The following MEGF11 variants were observed in gnomAD, a reference collection of about 807,000 sequenced individuals.
MEGF11 encodes the protein multiple EGF like domains 11.
Under a neutral mutation model 146.6 loss-of-function variants are expected in MEGF11, and 126 were observed. The observed-to-expected ratio is 0.86, with a 90% confidence interval of 0.74 to 1.00. The LOEUF is 1.00. Among genes scored for constraint, MEGF11 ranks in the 50% least tolerant of loss-of-function variants. The pLI is 0.00. For missense variants in MEGF11, 1,509 were observed against 1,521.2 expected, an observed-to-expected ratio of 0.99 and a Z score of 0.13; for synonymous variants, 532 against 583.4, an observed-to-expected ratio of 0.91 and a Z score of 1.27.
chr15:66,002,890 GT>G (rs1281190967), intron 5 of MEGF11, among the ~76,000 whole-genome samples: 1 of 152,170 alleles, frequency 6.6e-6, no homozygotes, highest in African/African-American at 2.4e-5. Context: ...AGAAGCAGAG[GT>G]TTAGAAAGGG....
At chr15:66,034,287 T>C (rs185002949) in intron 5 of MEGF11, among the ~76,000 whole-genome samples, 270 of 152,368 alleles carry the variant, frequency 1.8e-3, no homozygotes, top group African/African-American at 6.0e-3. Context: ...CTCTGGACTT[T>C]GGACTTCTGA....
intron 8 of MEGF11, among the ~76,000 whole-genome samples, chr15:65,970,012 C>T (rs1457313159): frequency 2.6e-5 from 4 of 152,190 alleles, no homozygotes; most frequent in South Asian, 4.1e-4. Flanking sequence ...CATGTGCACA[C>T]ATGGCAATTC....
chr15:65,959,090 C>T (rs1343494995), intron 9 of MEGF11, among the ~76,000 whole-genome samples: 2 of 152,210 alleles, frequency 1.3e-5, no homozygotes, highest in Non-Finnish European at 2.9e-5. Context: ...GAAATGAATA[C>T]AGCTTCCTCT....
intron 2 of MEGF11, 38 bp from the exon 3 acceptor site, chr15:66,124,038 C>G: frequency 2.0e-6 from 3 of 1,524,764 alleles, no homozygotes; most frequent in Non-Finnish European, 2.7e-6. Flanking sequence ...ATGATTAGCA[C>G]TTGGGAAGCT....
chr15:65,995,248 G>A (rs964306549), intron 5 of MEGF11, among the ~76,000 whole-genome samples: 1 of 152,218 alleles, frequency 6.6e-6, no homozygotes, highest in African/African-American at 2.4e-5. Flanking sequence ...GGCCTGGAAA[G>A]GCTAGACCAC....
At chr15:66,121,969 T>C (rs546077097) in intron 3 of MEGF11, among the ~76,000 whole-genome samples, 1 of 152,112 alleles carries the variant, frequency 6.6e-6, no homozygotes, top group African/African-American at 2.4e-5. Context: ...ACTAGGCATA[T>C]AAAGAAACAC....
intron 1 of MEGF11, among the ~76,000 whole-genome samples, chr15:66,187,278 T>A (rs1167205456): frequency 6.6e-6 from 1 of 152,252 alleles, no homozygotes; most frequent in Admixed American, 6.5e-5. Flanking sequence ...TCTTCACTGA[T>A]GCCAGCTCCT....
chr15:66,094,159 G>A (rs1176754201), intron 5 of MEGF11, among the ~76,000 whole-genome samples: 1 of 152,032 alleles, frequency 6.6e-6, no homozygotes, highest in East Asian at 1.9e-4. Flanking sequence ...TTGTCCAGAT[G>A]ATCCCACAAT....
At chr15:65,987,191 A>G (rs28395336) in intron 5 of MEGF11, among the ~76,000 whole-genome samples, 11,271 of 152,294 alleles carry the variant, frequency 0.074, 505 homozygotes, top group African/African-American at 0.1. Flanking sequence ...GGCAGTTACT[A>G]ATGCCAAGTC....
rs557825473 is a variant in MEGF11, at chr15:65,909,761, A to C, written c.2875T>G (p.Tyr959Asp). The C allele has an allele frequency of 2.5e-6, 4 of 1,584,644 alleles. No individual in the cohort carries two copies. Among genetic ancestry groups the C allele is most frequent in the Admixed American group, 3.5e-5 (2 of 57,768 alleles). Reference sequence around the variant, plus strand: ...TGACCTAACACGTTCACATAGCTGTAGGGGGTCCAGCCTGCTGTGTCTCTG... The same window carrying C: ...TGACCTAACACGTTCACATAGCTGTCGGGGGTCCAGCCTGCTGTGTCTCTG... ...LDRDTAGWTP[Y>D]SYVNVLDSHF... The change falls in exon 22 of 26, where the codon TAC (tyrosine) becomes GAC (aspartate). Residue 959 changes from tyrosine to aspartate, a missense_variant. By Grantham distance (160) the Tyr-to-Asp change is radical. Transcript: ENST00000395614.
chr15:66,221,295 G>A (rs755250383), intron 1 of MEGF11, among the ~76,000 whole-genome samples: 7 of 151,908 alleles, frequency 4.6e-5, no homozygotes, highest in Non-Finnish European at 1.0e-4. Context: ...GCTCCAGCAC[G>A]CCTGCCTCCC....
In MEGF11 at chr15:65,940,924, GT is replaced by G. The variant is rs1187254650; in HGVS notation, c.1288-9982del. On this transcript the variant is annotated intron_variant, in intron 10 of 25. Transcript: ENST00000395614. Reference sequence around the variant, plus strand: ...GGGTGTGCACTGCACAAATCTAGAGGTTTTATTCAAATGACAGTCATTATAG... The same window carrying G: ...GGGTGTGCACTGCACAAATCTAGAGGTTTATTCAAATGACAGTCATTATAG... 2.0e-5 allele frequency among the ~76,000 whole-genome samples: 3 copies of G among 152,210 alleles called. No individual in the cohort carries two copies. In the East Asian group the frequency reaches 5.8e-4, roughly 29 times the overall value.
intron 1 of MEGF11, among the ~76,000 whole-genome samples, chr15:66,140,822 G>A (rs1282176865): frequency 6.6e-6 from 1 of 152,228 alleles, no homozygotes; most frequent in Non-Finnish European, 1.5e-5. Flanking sequence ...ACAGCTGGCA[G>A]GAAGCGGGCC....
intron 1 of MEGF11, among the ~76,000 whole-genome samples, chr15:66,148,904 A>G (rs888212144): frequency 6.6e-6 from 1 of 152,224 alleles, no homozygotes; most frequent in Non-Finnish European, 1.5e-5. Context: ...ATTCCTGGAC[A>G]TGGCTCTGCC....
intron 1 of MEGF11, among the ~76,000 whole-genome samples, chr15:66,129,208 C>A (rs2088535628): frequency 6.6e-6 from 1 of 152,210 alleles, no homozygotes; most frequent in Non-Finnish European, 1.5e-5. Flanking sequence ...GGGCAGACAA[C>A]CTTTCCAGTG....
intron 5 of MEGF11, among the ~76,000 whole-genome samples, chr15:66,025,578 C>T (rs905261099): frequency 6.6e-6 from 1 of 152,140 alleles, no homozygotes; most frequent in Non-Finnish European, 1.5e-5. Context: ...CTAAAATCTC[C>T]AAGCCTCAAT....
intron 5 of MEGF11, among the ~76,000 whole-genome samples, chr15:66,008,405 GCGCGCGCACACACACA>G (rs1352062902): frequency 6.6e-4 from 12 of 18,110 alleles, no homozygotes; most frequent in Non-Finnish European, 5.8e-4. Flanking sequence ...ATGCACACGC[GCGCGCGCACACACACA>G]CACACACACA....
intron 1 of MEGF11, among the ~76,000 whole-genome samples, chr15:66,140,854 G>A (rs1401733230): frequency 1.3e-5 from 2 of 152,202 alleles, no homozygotes; most frequent in African/African-American, 2.4e-5. Context: ...GCTCAGCCGG[G>A]TATTGGGTAC....
intron 10 of MEGF11, among the ~76,000 whole-genome samples, chr15:65,934,862 C>T (rs1555453463): frequency 5.9e-5 from 9 of 152,222 alleles, no homozygotes; most frequent in Non-Finnish European, 1.5e-5. Context: ...CTCCATACCC[C>T]TTCCCACATG....
Sources: allele counts gnomAD v4.1 joint callset (sites outside exome capture counted in the v4.1 genomes callset), GRCh38; gene constraint gnomAD v4.1.1; transcripts MANE v1.5; gene names NCBI Gene and HGNC (gene_info 2026-07-23, HGNC 2026-07-21).